The following POLR1B variants were observed in gnomAD, a reference collection of about 807,000 sequenced individuals.
The protein encoded by POLR1B is DNA-directed RNA polymerase I subunit RPA2.
POLR1B carries 30 observed loss-of-function variants against 105.8 expected under a neutral mutation model. The ratio of observed to expected loss-of-function variants is 0.28; its 90% CI spans 0.21 to 0.38. The LOEUF is 0.38. POLR1B is among the 10% of genes least tolerant of loss of function. POLR1B has a pLI of 1.00. For missense variants in POLR1B, 976 were observed against 1,435.8 expected (o/e 0.68, Z 5.17); for synonymous variants, 485 against 505.1 (o/e 0.96, Z 0.53).
In POLR1B at chr2:112,547,459, A is replaced by G; in HGVS notation, c.384A>G (p.Gly128=). 2 of 1,614,192 alleles carry G rather than the reference A, an allele frequency of 1.2e-6. No individual in the cohort carries two copies. The highest frequency in any genetic ancestry group is 8.5e-7 in the Non-Finnish European group (1 of 1,180,012). Reference sequence around the variant, plus strand: ...GGGCAGTGAATGGAATCTCAAAAGGAATCATTAAGCAGTTTCTTGGCTATG... The same window carrying G: ...GGGCAGTGAATGGAATCTCAAAAGGGATCATTAAGCAGTTTCTTGGCTATG... ...INWAVNGISK[G]IIKQFLGYVP... Residue 128 remains glycine (G), a synonymous_variant, in exon 3 of 15, where the codon GGA becomes GGG. Transcript: ENST00000263331.
rs36076008 is a variant in POLR1B at position 112,555,758 on chromosome 2, G to A, written c.1159-2152G>A. Reference sequence around the variant, plus strand: ...TTGGGGCTTTTTCAGAGAATTCATTGCCGAGTATCTGATTTCCTTACCAGC... The same window carrying A: ...TTGGGGCTTTTTCAGAGAATTCATTACCGAGTATCTGATTTCCTTACCAGC... On this transcript the variant is annotated intron_variant, in intron 7 of 14. Coordinates refer to ENST00000263331, the MANE Select transcript of POLR1B (RefSeq NM_019014.6). 6.9e-3 allele frequency among the ~76,000 whole-genome samples: 1,051 copies of A among 152,338 alleles called. 6 individuals are homozygous for A. Among genetic ancestry groups the A allele is most frequent in the Non-Finnish European group, 0.011 (758 of 68,034 alleles).
chr2:112,569,951 C>T (rs893751006), intron 12 of POLR1B, among the ~76,000 whole-genome samples: 4 of 151,972 alleles, frequency 2.6e-5, no homozygotes, highest in African/African-American at 7.3e-5. Context: ...TCTCTTTCCT[C>T]CTCTTCTATC....
At chr2:112,571,815 C>G (rs1432780383) in intron 12 of POLR1B, among the ~76,000 whole-genome samples, 1 of 152,150 alleles carries the variant, frequency 6.6e-6, no homozygotes, top group East Asian at 1.9e-4. Context: ...TACATAAATA[C>G]TTAAAAACCT....
intron 9 of POLR1B, among the ~76,000 whole-genome samples, chr2:112,562,850 C>A (rs1298044581): frequency 6.7e-6 from 1 of 149,506 alleles, no homozygotes; most frequent in Non-Finnish European, 1.5e-5. Flanking sequence ...CTCAGCCTTG[C>A]GAGTAGCCGG....
At chr2:112,556,583 G>C (rs898029966) in intron 7 of POLR1B, among the ~76,000 whole-genome samples, 2 of 152,214 alleles carry the variant, frequency 1.3e-5, no homozygotes, top group Non-Finnish European at 2.9e-5. Flanking sequence ...CCAAGTGTGA[G>C]TGTTCAAACA....
intron 7 of POLR1B, among the ~76,000 whole-genome samples, chr2:112,557,040 T>G (rs1230929886): frequency 6.6e-6 from 1 of 152,132 alleles, no homozygotes; most frequent in Non-Finnish European, 1.5e-5. Flanking sequence ...TCCCAGCACT[T>G]TGGAAGCTGA....
chr2:112,549,495 G>GTTTTTT, intron 4 of POLR1B, 96 bp downstream of exon 4: 1 of 830,880 alleles, frequency 1.2e-6, no homozygotes. Flanking sequence ...TGATATTTTT[G>GTTTTTT]TTTCTTTTTT....
intron 4 of POLR1B, among the ~76,000 whole-genome samples, 183 bp downstream of exon 4, chr2:112,549,582 C>T (rs929992367): frequency 2.0e-5 from 3 of 146,378 alleles, no homozygotes; most frequent in Non-Finnish European, 4.5e-5. Flanking sequence ...AGCAGTCCTT[C>T]TGCCTCAGCC....
chr2:112,579,208 C>CAAAAAAAAAAAAA lies in POLR1B; in HGVS notation c.*3499_*3511dup, dbSNP rs56190123. 1.0e-4 allele frequency among the ~76,000 whole-genome samples: 6 copies of CAAAAAAAAAAAAA among 58,692 alleles called. 1 individual carries two copies. Among genetic ancestry groups the CAAAAAAAAAAAAA allele is most frequent in the East Asian group, 8.3e-4 (1 of 1,198 alleles). The allele number at this position is 58,692 out of a possible 152,430, so 38.5% of individuals were successfully genotyped here. A position where few individuals can be genotyped will look rare whatever the true frequency, so the allele number is the denominator to read the frequency against. On this transcript the variant is annotated 3_prime_UTR_variant, in exon 15 of 15. Coordinates refer to ENST00000263331, the MANE Select transcript of POLR1B (RefSeq NM_019014.6). ...GGGCAACAGAGCAAGACTAGAGTCT[C>CAAAAAAAAAAAAA]AAAAAAAAAAAAAAAAAAAAAAAAA...
Position 112,579,276 on chromosome 2 carries a change from C to T in POLR1B, c.*3547C>T, listed in dbSNP as rs1035315355. Among the ~76,000 whole-genome samples, 14 of 130,750 alleles carry T rather than the reference C, an allele frequency of 1.1e-4. No homozygotes were observed. The highest frequency in any genetic ancestry group is 3.5e-4 in the African/African-American group (12 of 34,156). The allele number at this position is 130,750 out of a possible 152,430, so 85.8% of individuals were successfully genotyped here. On this transcript the variant is annotated 3_prime_UTR_variant, in exon 15 of 15. Transcript: ENST00000263331. ...ATTGTAGATAAGGAGGACTACTATACAGGTTATTGTGTAAACATAAGTTTC... is the reference window on the plus strand; with the variant it reads ...ATTGTAGATAAGGAGGACTACTATATAGGTTATTGTGTAAACATAAGTTTC...
chr2:112,550,989 G>C lies in POLR1B; in HGVS notation c.749G>C (p.Gly250Ala), dbSNP rs751150043. The C allele has an allele frequency of 8.7e-6, 14 of 1,613,590 alleles. No homozygotes were observed. The highest frequency in any genetic ancestry group is 1.2e-5 in the Non-Finnish European group (14 of 1,179,568). Residue 250 changes from glycine to alanine, a missense_variant, in exon 5 of 15, where the codon GGA (glycine) becomes GCA (alanine). Around this residue, in one of 12 missense-constraint regions of POLR1B, gnomAD observed 452 missense variants for 616.5 expected, o/e 0.73. Transcript: ENST00000263331. ...YRKELFFLPLGFALKALVSFS... is the reference protein window; with the variant it reads ...YRKELFFLPLAFALKALVSFS... ...AAAGAACTGTTCTTTCTTCCTTTGG[G>C]ATTTGCACTTAAGGTATGACTTAAT...
Position 112,564,396 on chromosome 2 carries a change from G to T in POLR1B, c.1643G>T (p.Arg548Leu), listed in dbSNP as rs1208728649. ...GVTPIDGAPHRSYSECYPVLL... is the reference protein window; with the variant it reads ...GVTPIDGAPHLSYSECYPVLL... ...ACTCCCATTGATGGAGCTCCCCACC[G>T]ATCATACAGTGAGTGCTACCCTGTC... Residue 548 changes from arginine to leucine, a missense_variant, in exon 10 of 15, where the codon CGA (arginine) becomes CTA (leucine). By Grantham distance (102) the Arg-to-Leu change is moderately radical. Around this residue, in one of 12 missense-constraint regions of POLR1B, gnomAD observed 184 missense variants for 197.4 expected, o/e 0.93. Coordinates refer to ENST00000263331, the MANE Select transcript of POLR1B (RefSeq NM_019014.6). 9 of 1,614,192 alleles carry T rather than the reference G, an allele frequency of 5.6e-6. No homozygotes were observed. The highest frequency in any genetic ancestry group is 7.6e-6 in the Non-Finnish European group (9 of 1,180,020).
intron 9 of POLR1B, among the ~76,000 whole-genome samples, chr2:112,560,267 A>G (rs1683905294): frequency 6.6e-6 from 1 of 152,098 alleles, no homozygotes; most frequent in Admixed American, 6.6e-5. Flanking sequence ...AATGAATAAG[A>G]ATGATGCCAA....
Position 112,563,434 on chromosome 2 carries a change from G to T in POLR1B, c.1613-932G>T, listed in dbSNP as rs184872309. ...CACAAAAGATTTCTCTGTAGCATGT[G>T]ATGCTGTTTGATAGCATTTTACCCA... On this transcript the variant is annotated intron_variant, in intron 9 of 14. Coordinates refer to ENST00000263331, the MANE Select transcript of POLR1B (RefSeq NM_019014.6). Among the ~76,000 whole-genome samples, 412 of 152,316 alleles carry T rather than the reference G, an allele frequency of 2.7e-3. 5 individuals are homozygous for T. The highest frequency in any genetic ancestry group is 1.9e-3 in the Non-Finnish European group (129 of 68,032).
Position 112,549,345 on chromosome 2 carries a change from A to G in POLR1B, c.571A>G (p.Ile191Val), listed in dbSNP as rs1574094594. The G allele has an allele frequency of 1.2e-6, 2 of 1,613,826 alleles. No individual in the cohort carries two copies. Among genetic ancestry groups the G allele is most frequent in the Non-Finnish European group, 1.7e-6 (2 of 1,179,744 alleles). The change falls in exon 4 of 15, where the codon ATT becomes GTT. Residue 191 changes from isoleucine to valine, a missense_variant. Coordinates refer to ENST00000263331, the MANE Select transcript of POLR1B (RefSeq NM_019014.6). ...GATTATGCCTCGGAGAAATTTTCCC[A>G]TTGCAATGATAAGACCAAAATGGAA... Reference protein sequence around the residue: ...MLIMPRRNFPIAMIRPKWKTR... With the variant: ...MLIMPRRNFPVAMIRPKWKTR...
intron 1 of POLR1B, among the ~76,000 whole-genome samples, chr2:112,546,182 T>C (rs1394502928): frequency 6.6e-6 from 1 of 152,110 alleles, no homozygotes; most frequent in Non-Finnish European, 1.5e-5. Context: ...CCCTACAGAA[T>C]GGTACAAAGA....
In POLR1B at chr2:112,575,913, A is replaced by G. The variant is rs1443644808; in HGVS notation, c.*184A>G. 3.4e-6 allele frequency: 2 copies of G among 592,218 alleles called. No homozygotes were observed. The highest frequency in any genetic ancestry group is 5.8e-6 in the Non-Finnish European group (2 of 346,190). The allele number at this position is 592,218 out of a possible 1,614,324, so 36.7% of individuals were successfully genotyped here. ...CTCTCTGGTAGATTAACTATTGACA[A>G]TGATTTTCTGTTATCTTTGTTCAAA... On this transcript the variant is annotated 3_prime_UTR_variant, in exon 15 of 15. Transcript: ENST00000263331. The surrounding 1 kb of genome is among the most constrained non-coding windows in gnomAD (Gnocchi z 5.3).
Position 112,568,845 on chromosome 2 carries a change from T to A in POLR1B, c.2017T>A (p.Phe673Ile). 4 of 1,614,212 alleles carry A rather than the reference T, an allele frequency of 2.5e-6. No individual in the cohort carries two copies. The highest frequency in any genetic ancestry group is 3.4e-6 in the Non-Finnish European group (4 of 1,180,032). ...PHSLLSVIAN[F>I]IPFSDHNQSP... ...CAGCCTGCTGAGTGTGATTGCCAAC[T>A]TCATCCCTTTCTCTGATCACAACCA... Residue 673 changes from phenylalanine (F) to isoleucine (I), a missense_variant, in exon 12 of 15, where the codon TTC becomes ATC. Physicochemically the swap from Phe to Ile is conservative, Grantham distance 21 (BLOSUM62 0). Around this residue, in one of 12 missense-constraint regions of POLR1B, gnomAD observed 184 missense variants for 197.4 expected, o/e 0.93. Transcript: ENST00000263331.
intron 1 of POLR1B, 107 bp downstream of exon 1, chr2:112,542,778 A>G (rs1374127094): frequency 5.0e-6 from 7 of 1,398,436 alleles, no homozygotes; most frequent in Admixed American, 4.5e-5. Context: ...TGATCCTGAC[A>G]GGCTTGGTGG....
Sources: allele counts gnomAD v4.1 joint callset (sites outside exome capture counted in the v4.1 genomes callset), GRCh38; gene constraint gnomAD v4.1.1; regional missense constraint gnomAD v4.1.1; non-coding constraint Gnocchi (gnomAD v3.1); transcripts MANE v1.5; gene names NCBI Gene and HGNC (gene_info 2026-07-23, HGNC 2026-07-21).